Variants in TMPRSS6 observed in about 807,000 individuals in gnomAD.
TMPRSS6 encodes the protein transmembrane serine protease 6.
TMPRSS6 carries 67 observed loss-of-function variants against 101.5 expected under a neutral mutation model. That is an observed-to-expected ratio of 0.66 (90% CI 0.54 to 0.81). The LOEUF (loss-of-function observed/expected upper bound fraction) is 0.81. TMPRSS6 is among the 30% of genes least tolerant of loss of function. TMPRSS6 has a pLI of 0.00. For missense variants in TMPRSS6, 1,034 were observed against 1,088.7 expected (o/e 0.95, Z 0.71); for synonymous variants, 453 against 464.9 (o/e 0.97, Z 0.33).
intron 8 of TMPRSS6, among the ~76,000 whole-genome samples, chr22:37,086,005 G>A (rs1928718213): frequency 6.6e-6 from 1 of 151,540 alleles, no homozygotes; most frequent in African/African-American, 2.4e-5. Context: ...GAGAGAGAAG[G>A]AAGGACAGAG....
chr22:37,093,016 G>A (rs1479866494), intron 6 of TMPRSS6, among the ~76,000 whole-genome samples: 1 of 152,182 alleles, frequency 6.6e-6, no homozygotes, highest in East Asian at 1.9e-4. Context: ...TCTCCCTCAT[G>A]GGGCTTAAAG....
chr22:37,077,119 G>A (rs773005903), intron 10 of TMPRSS6, among the ~76,000 whole-genome samples: 1 of 152,212 alleles, frequency 6.6e-6, no homozygotes, highest in African/African-American at 2.4e-5. Flanking sequence ...ATTGGCTATG[G>A]CATCACAAGG....
At chr22:37,100,091 G>C (rs188660165) in intron 2 of TMPRSS6, among the ~76,000 whole-genome samples, 1 of 152,016 alleles carries the variant, frequency 6.6e-6, no homozygotes, top group Non-Finnish European at 1.5e-5. Flanking sequence ...CCTCAGCCTC[G>C]CAAGTAGCTG....
chr22:37,075,119 G>A lies in TMPRSS6; in HGVS notation c.1342+16C>T, dbSNP rs369105130. 4.5e-4 allele frequency: 724 copies of A among 1,613,708 alleles called. 3 individuals carry two copies. Among genetic ancestry groups the A allele is most frequent in the Middle Eastern group, 3.1e-3 (19 of 6,062 alleles). On this transcript the variant is annotated intron_variant, in intron 11 of 17. Coordinates refer to ENST00000676104, the MANE Select transcript of TMPRSS6 (RefSeq NM_001374504.1). The stretch of plus-strand genomic sequence containing the variant: ...GCGAGTCACTGCAGGGGGTTCCCCC[G>A]GCTGCCCATACTCACGGTCCGACTG...
intron 10 of TMPRSS6, among the ~76,000 whole-genome samples, chr22:37,078,782 GAGAAGA>G (rs145574544): frequency 2.6e-4 from 39 of 147,614 alleles, no homozygotes; most frequent in African/African-American, 5.1e-4. Flanking sequence ...GAAGGAGGAG[GAGAAGA>G]AGAAGGAGGA....
At position 37,101,514 on chromosome 22, in the gene TMPRSS6, C is replaced by T. The variant is rs562816353; in HGVS notation, c.202+1702G>A. 1.3e-4 allele frequency among the ~76,000 whole-genome samples: 20 copies of T among 152,248 alleles called. No individual in the cohort carries two copies. The highest frequency in any genetic ancestry group is 2.0e-4 in the Admixed American group (3 of 15,308). On this transcript the variant is annotated intron_variant, in intron 2 of 17. Transcript: ENST00000676104. This position sits in a 1 kb window ranked among gnomAD's most constrained non-coding sequence, Gnocchi z 4.1. ...TCACTTGTGCACCTCCTCTTCCAGACAGGGCAGGGCGTGTCTCTGATCCAC... is the reference window on the plus strand; with the variant it reads ...TCACTTGTGCACCTCCTCTTCCAGATAGGGCAGGGCGTGTCTCTGATCCAC...
intron 7 of TMPRSS6, among the ~76,000 whole-genome samples, chr22:37,088,422 C>T (rs994847420): frequency 1.3e-5 from 2 of 152,222 alleles, no homozygotes; most frequent in Admixed American, 6.5e-5. Flanking sequence ...CCAAGTGAGA[C>T]AGAAGAGGCA....
At chr22:37,095,629 C>CAAAAAAAAAAAAAAAAAAAGAAAAAA in intron 5 of TMPRSS6, 37 bp from the exon 6 acceptor site, 1 of 1,176,576 alleles carries the variant, frequency 8.5e-7, no homozygotes, top group Non-Finnish European at 1.1e-6. Context: ...TAAACAAGAA[C>CAAAAAAAAAAAAAAAAAAAGAAAAAA]AAAAAAAAAA....
Position 37,096,059 on chromosome 22 carries a change from T to A in TMPRSS6, c.436A>T (p.Ile146Phe). 6.2e-7 allele frequency: 1 copy of A among 1,614,098 alleles called. No individual in the cohort carries two copies. Among genetic ancestry groups the A allele is most frequent in the South Asian group, 1.1e-5 (1 of 91,074 alleles). Residue 146 changes from isoleucine (I) to phenylalanine (F), a missense_variant, in exon 5 of 18, where the codon ATT becomes TTT. Physicochemically the swap from Ile to Phe is conservative, Grantham distance 21. Coordinates refer to ENST00000676104, the MANE Select transcript of TMPRSS6 (RefSeq NM_001374504.1). ...EGPLTCFFWF[I>F]LQIPEHRRLM... Reference sequence around the variant, plus strand: ...CGGCGGTGCTCGGGGATTTGGAGAATGAACCAGAAGAAGCAGGTGAGGGGT... The same window carrying A: ...CGGCGGTGCTCGGGGATTTGGAGAAAGAACCAGAAGAAGCAGGTGAGGGGT...
In TMPRSS6 at chr22:37,103,315, T is replaced by G; in HGVS notation, c.103A>C (p.Lys35Gln). 1 of 1,614,208 alleles carries G rather than the reference T, an allele frequency of 6.2e-7. No homozygotes were observed. The highest frequency in any genetic ancestry group is 8.5e-7 in the Non-Finnish European group (1 of 1,180,038). The part of the protein sequence containing the change: ...EGMFKACEDS[K>Q]RKARGYLRLV... ...CGGAGGTAGCCCCGGGCTTTTCTCT[T>G]GGAGTCCTCACAGGCCTTGAACATC... Residue 35 changes from lysine (K) to glutamine (Q), a missense_variant, in exon 2 of 18, where the codon AAG becomes CAG. Transcript: ENST00000676104. The surrounding 1 kb of genome is among the most constrained non-coding windows in gnomAD (Gnocchi z 4.4).
chr22:37,074,998 CAT>C (rs1927490090), intron 11 of TMPRSS6, 135 bp downstream of exon 11: 11 of 1,446,840 alleles, frequency 7.6e-6, no homozygotes, highest in Non-Finnish European at 3.9e-6. Flanking sequence ...TGTGCAAGCA[CAT>C]ACACACACAC....
intron 10 of TMPRSS6, among the ~76,000 whole-genome samples, chr22:37,079,849 C>T (rs939088376): frequency 6.6e-6 from 1 of 152,256 alleles, no homozygotes; most frequent in South Asian, 2.1e-4. Context: ...CAGCTCAGGT[C>T]AGCCACACTG....
Position 37,066,064 on chromosome 22 carries a change from G to T in TMPRSS6, c.*16C>A, listed in dbSNP as rs1282082485. The stretch of plus-strand genomic sequence containing the variant: ...GAGTCCAGGAGGTGGGCCCTGCTTT[G>T]CAGGGGGGCAGTTCCTCAGGTCACC... On this transcript the variant is annotated 3_prime_UTR_variant, in exon 18 of 18. Transcript: ENST00000676104. 2 of 1,613,370 alleles carry T rather than the reference G, an allele frequency of 1.2e-6. No individual in the cohort carries two copies. Among genetic ancestry groups the T allele is most frequent in the African/African-American group, 2.7e-5 (2 of 75,020 alleles).
chr22:37,084,460 AC>A, intron 9 of TMPRSS6, 56 bp from the exon 10 acceptor site: 1 of 1,276,804 alleles, frequency 7.8e-7, no homozygotes, highest in Non-Finnish European at 1.1e-6. Context: ...AGGTTGGTGA[AC>A]CCACCTCCCT....
chr22:37,084,881 G>A (rs1446279971), intron 8 of TMPRSS6, 42 bp from the exon 9 acceptor site: 2 of 1,475,116 alleles, frequency 1.4e-6, no homozygotes, highest in Non-Finnish European at 9.2e-7. Flanking sequence ...TCCCCTGGCT[G>A]CACCTCCCAG....
intron 16 of TMPRSS6, chr22:37,068,716 A>G (rs1376111029): frequency 2.6e-6 from 2 of 779,558 alleles, no homozygotes; most frequent in African/African-American, 3.4e-5. Flanking sequence ...AAGTTCCCCT[A>G]AAATCCAGCC....
chr22:37,088,979 C>T (rs1929002697), intron 7 of TMPRSS6, among the ~76,000 whole-genome samples: 1 of 152,346 alleles, frequency 6.6e-6, no homozygotes, highest in South Asian at 2.1e-4. Context: ...CCCCGCCCCA[C>T]ACACCAGTAA....
intron 1 of TMPRSS6, among the ~76,000 whole-genome samples, chr22:37,108,665 G>C (rs913784219): frequency 3.3e-5 from 5 of 152,184 alleles, no homozygotes; most frequent in Non-Finnish European, 5.9e-5. Flanking sequence ...CCCTGTGCTG[G>C]GCAGTGCTGC....
At chr22:37,110,152 T>C (rs1396226950), upstream of TMPRSS6, among the ~76,000 whole-genome samples, 1 of 148,538 alleles carries the variant, frequency 6.7e-6, no homozygotes, top group African/African-American at 2.5e-5. Flanking sequence ...TTTTTTTTTT[T>C]TTTTTTTTTA....
Sources: allele counts gnomAD v4.1 joint callset (sites outside exome capture counted in the v4.1 genomes callset), GRCh38; gene constraint gnomAD v4.1.1; non-coding constraint Gnocchi (gnomAD v3.1); transcripts MANE v1.5; gene names NCBI Gene and HGNC (gene_info 2026-07-23, HGNC 2026-07-21).